The following IMPACT variants were observed in gnomAD, a reference collection of about 807,000 sequenced individuals.
IMPACT encodes the protein impact RWD domain protein, also known as protein IMPACT.
A neutral mutation model predicts 47.5 loss-of-function variants in IMPACT; 35 were observed. The observed-to-expected ratio is 0.74, with a 90% CI of 0.56 to 0.98. IMPACT has a LOEUF of 0.98. Among genes scored for constraint, IMPACT ranks in the 50% least tolerant of loss-of-function variants. The pLI, the probability that IMPACT is intolerant of heterozygous loss-of-function variation, is 0.00. For synonymous variants in IMPACT, 118 were observed against 125.6 expected, an observed-to-expected ratio of 0.94 and a Z score of 0.40; for missense variants, 373 against 394.8, an observed-to-expected ratio of 0.94 and a Z score of 0.47.
chr18:24,447,362 C>T (rs1909273444), intron 8 of IMPACT, among the ~76,000 whole-genome samples: 1 of 152,116 alleles, frequency 6.6e-6, no homozygotes, highest in Non-Finnish European at 1.5e-5. Context: ...AGAAATCCAC[C>T]AGATGGCATA....
intron 4 of IMPACT, among the ~76,000 whole-genome samples, chr18:24,434,652 A>C (rs970034668): frequency 6.6e-6 from 1 of 151,302 alleles, no homozygotes; most frequent in African/African-American, 2.4e-5. Flanking sequence ...AATCCCAGCT[A>C]CTTGGGAGGC....
chr18:24,449,164 C>T (rs1031140162), intron 9 of IMPACT, among the ~76,000 whole-genome samples: 1 of 151,958 alleles, frequency 6.6e-6, no homozygotes, highest in African/African-American at 2.4e-5. Flanking sequence ...AGTTCGAAAC[C>T]AGCCTGGGCA....
At chr18:24,426,883 G>C in intron 1 of IMPACT, 91 bp downstream of exon 1, 1 of 911,154 alleles carries the variant, frequency 1.1e-6, no homozygotes, top group Non-Finnish European at 1.4e-6. Context: ...CCTCCGCCTG[G>C]GGCCGCCCCG....
At position 24,452,932 on chromosome 18, in the gene IMPACT, C is replaced by G. The variant is rs1274809884; in HGVS notation, c.*2085C>G. Reference sequence around the variant, plus strand: ...TTACAGACAGGCATGTGCTATTACACCTGGCTAATTTTTAAAGTTTTTTTT... The same window carrying G: ...TTACAGACAGGCATGTGCTATTACAGCTGGCTAATTTTTAAAGTTTTTTTT... On this transcript the variant is annotated 3_prime_UTR_variant, in exon 11 of 11. Coordinates refer to ENST00000284202, the MANE Select transcript of IMPACT (RefSeq NM_018439.4). 2.0e-5 allele frequency: 3 copies of G among 152,206 alleles called. No homozygotes were observed. The East Asian group carries it at 5.8e-4, about 29-fold the overall frequency. The allele number at this position is 152,206 out of a possible 1,614,324, so 9.4% of individuals were successfully genotyped here.
chr18:24,432,650 C>T (rs1386368304), intron 4 of IMPACT, among the ~76,000 whole-genome samples: 1 of 151,882 alleles, frequency 6.6e-6, no homozygotes, highest in Admixed American at 6.6e-5. Context: ...CTTTTGTGCC[C>T]CCAACAAACT....
intron 1 of IMPACT, 55 bp from the exon 2 acceptor site, chr18:24,427,864 A>C (rs184199724): frequency 1.3e-5 from 20 of 1,511,762 alleles, no homozygotes; most frequent in Non-Finnish European, 1.7e-5. Flanking sequence ...AGTAGTAAGA[A>C]TAGGATTTTA....
chr18:24,430,327 C>A lies in IMPACT; in HGVS notation c.224C>A (p.Pro75His). The stretch of plus-strand genomic sequence containing the variant: ...ATTGTTTTATTTAATCTTAGTGCTC[C>A]TTGGCTTAAAGGGCAAGAACGTGCG... ...TAPPIYQLNAPWLKGQERADL... is the reference protein window; with the variant it reads ...TAPPIYQLNAHWLKGQERADL... Residue 75 changes from proline (P) to histidine (H), a missense_variant, in exon 4 of 11, where the codon CCT becomes CAT. Physicochemically the swap from Pro to His is moderately conservative, Grantham distance 77. Coordinates refer to ENST00000284202, the MANE Select transcript of IMPACT (RefSeq NM_018439.4). 1 of 1,592,000 alleles carries A rather than the reference C, an allele frequency of 6.3e-7. No individual in the cohort carries two copies. The highest frequency in any genetic ancestry group is 8.5e-7 in the Non-Finnish European group (1 of 1,170,950).
At chr18:24,436,812 A>G (rs1044206185) in intron 4 of IMPACT, among the ~76,000 whole-genome samples, 2 of 152,080 alleles carry the variant, frequency 1.3e-5, no homozygotes, top group African/African-American at 4.8e-5. Context: ...CGGCCCACCA[A>G]AGTGTTTTGA....
chr18:24,428,185 G>A lies in IMPACT; in HGVS notation c.165+138G>A, dbSNP rs576007388. ...TTCTCAATGATTAAACACATGGGCA[G>A]TTACATCTCAGATCACTTTCAAATC... On this transcript the variant is annotated intron_variant, in intron 2 of 10. Coordinates refer to ENST00000284202, the MANE Select transcript of IMPACT (RefSeq NM_018439.4). 1.1e-4 allele frequency: 79 copies of A among 731,390 alleles called. No individual in the cohort carries two copies. In the African/African-American group the frequency reaches 1.2e-3, roughly 11 times the overall value. 45.3% of individuals were successfully genotyped at this position (731,390 alleles called of 1,614,324 possible). A position where few individuals can be genotyped will look rare whatever the true frequency, so the allele number is the denominator to read the frequency against.
At position 24,440,507 on chromosome 18, in the gene IMPACT, A is replaced by G; in HGVS notation, c.379A>G (p.Lys127Glu). The change falls in exon 6 of 11, where the codon AAG becomes GAG. Residue 127 changes from lysine to glutamate, a missense_variant. Physicochemically the swap from Lys to Glu is moderately conservative, Grantham distance 56 (BLOSUM62 1). Transcript: ENST00000284202. ...SQMTEPGPDV[K>E]KKTEEEDVEC... The stretch of plus-strand genomic sequence containing the variant: ...TCATATTCACATAGGCCCAGATGTA[A>G]AGAAGAAAACTGAAGAGGAAGATGT... 6.2e-7 allele frequency: 1 copy of G among 1,613,000 alleles called. No individual in the cohort carries two copies. Among genetic ancestry groups the G allele is most frequent in the Non-Finnish European group, 8.5e-7 (1 of 1,179,482 alleles).
In IMPACT at chr18:24,428,027, A is replaced by C; in HGVS notation, c.145A>C (p.Lys49Gln). Residue 49 changes from lysine (K) to glutamine (Q), a missense_variant, in exon 2 of 11, where the codon AAA (lysine) becomes CAA (glutamine). Transcript: ENST00000284202. ...AATTAGCGACGATATAGATGACCCCAAATGGACACTTTGCTTGCAGGTACT... is the reference window on the plus strand; with the variant it reads ...AATTAGCGACGATATAGATGACCCCCAATGGACACTTTGCTTGCAGGTACT... Reference protein sequence around the residue: ...IRISDDIDDPKWTLCLQVMLP... With the variant: ...IRISDDIDDPQWTLCLQVMLP... 6.3e-7 allele frequency: 1 copy of C among 1,580,728 alleles called. No individual in the cohort carries two copies. Among genetic ancestry groups the C allele is most frequent in the South Asian group, 1.2e-5 (1 of 84,258 alleles).
At chr18:24,441,390 G>A (rs139389996) in intron 6 of IMPACT, among the ~76,000 whole-genome samples, 11,808 of 152,050 alleles carry the variant, frequency 0.078, 487 homozygotes, top group African/African-American at 0.11. Context: ...ATTGGGTTTC[G>A]CCATGTTGGC....
rs1332791399 is a variant in IMPACT at position 24,451,319 on chromosome 18, T to A, written c.*472T>A. 6.6e-6 allele frequency: 1 copy of A among 152,440 alleles called. No homozygotes were observed. Among genetic ancestry groups the A allele is most frequent in the Non-Finnish European group, 1.5e-5 (1 of 68,196 alleles). 9.4% of individuals were successfully genotyped at this position (152,440 alleles called of 1,614,324 possible). ...AAGATTGATCTTGGAGAGTTTCTTC[T>A]TGTGATTTTAGTTCATAAGTATGTC... is the stretch of plus-strand genomic sequence containing the variant. On this transcript the variant is annotated 3_prime_UTR_variant, in exon 11 of 11. Transcript: ENST00000284202.
intron 8 of IMPACT, 99 bp from the exon 9 acceptor site, chr18:24,447,994 C>T: frequency 3.0e-6 from 2 of 661,498 alleles, no homozygotes; most frequent in Non-Finnish European, 5.3e-6. Context: ...AATGAATATG[C>T]TGATTTTGGA....
intron 9 of IMPACT, among the ~76,000 whole-genome samples, chr18:24,449,499 G>T (rs780626581): frequency 1.3e-5 from 2 of 152,170 alleles, no homozygotes; most frequent in African/African-American, 4.8e-5. Context: ...AAACTTAGCT[G>T]TTCTGGTTGA....
At chr18:24,445,030 G>A (rs373718770) in intron 7 of IMPACT, among the ~76,000 whole-genome samples, 7 of 152,248 alleles carry the variant, frequency 4.6e-5, no homozygotes, top group Admixed American at 2.6e-4. Context: ...TACCACTATT[G>A]TACACCTGCT....
At chr18:24,444,990 G>T (rs534148167) in intron 7 of IMPACT, among the ~76,000 whole-genome samples, 3 of 152,264 alleles carry the variant, frequency 2.0e-5, no homozygotes, top group Non-Finnish European at 4.4e-5. Flanking sequence ...GACTCCCAGA[G>T]AAAGATGTGG....
Position 24,449,888 on chromosome 18 carries a change from C to A in IMPACT, c.829C>A (p.Arg277Ser). The A allele has an allele frequency of 1.2e-6, 2 of 1,612,980 alleles. No individual in the cohort carries two copies. Among genetic ancestry groups the A allele is most frequent in the Non-Finnish European group, 1.7e-6 (2 of 1,179,138 alleles). ...TGGAGGGATTCTGCTAGGACCAGAT[C>A]GCTTTAAACATATCAACAACTGTGC... ...WYGGILLGPD[R>S]FKHINNCARN... The change falls in exon 10 of 11, where the codon CGC becomes AGC. Residue 277 changes from arginine (R) to serine (S), a missense_variant. Arg to Ser is a moderately radical substitution (Grantham distance 110). Coordinates refer to ENST00000284202, the MANE Select transcript of IMPACT (RefSeq NM_018439.4).
intron 7 of IMPACT, among the ~76,000 whole-genome samples, chr18:24,443,680 C>T (rs1438179494): frequency 3.3e-5 from 5 of 152,216 alleles, no homozygotes; most frequent in African/African-American, 1.2e-4. Context: ...GGACAGTGGA[C>T]AGACTGGCTA....
Sources: allele counts gnomAD v4.1 joint callset (sites outside exome capture counted in the v4.1 genomes callset), GRCh38; gene constraint gnomAD v4.1.1; transcripts MANE v1.5; gene names NCBI Gene and HGNC (gene_info 2026-07-23, HGNC 2026-07-21).